MYO16: variants seen among roughly 807,000 people sequenced by gnomAD.
MYO16 encodes myosin XVI, also known as unconventional myosin-XVI.
Under a neutral mutation model 205.3 loss-of-function variants are expected in MYO16, and 94 were observed. The observed-to-expected ratio is 0.46, with a 90% CI of 0.39 to 0.54. The LOEUF is 0.54. Among genes scored for constraint, MYO16 ranks in the 20% least tolerant of loss-of-function variants. MYO16 has a pLI of 0.00. For synonymous variants in MYO16, 988 were observed against 954.0 expected (o/e 1.04, Z -0.66); for missense variants, 2,315 against 2,387.5 (o/e 0.97, Z 0.63).
chr13:108,748,764 G>A (rs1885139834), intron 4 of MYO16, among the ~76,000 whole-genome samples: 1 of 152,122 alleles, frequency 6.6e-6, no homozygotes, highest in Admixed American at 6.6e-5. Context: ...GAAACAATTA[G>A]TGTTGTCTAT....
At chr13:109,120,073 T>TTC (rs1251958390) in intron 28 of MYO16, among the ~76,000 whole-genome samples, 2 of 152,226 alleles carry the variant, frequency 1.3e-5, no homozygotes, top group African/African-American at 4.8e-5. Context: ...TGCTCTTATC[T>TTC]TCTGACTGAT....
At chr13:108,785,212 G>A (rs1054656986) in intron 4 of MYO16, among the ~76,000 whole-genome samples, 31 of 152,132 alleles carry the variant, frequency 2.0e-4, no homozygotes, top group Non-Finnish European at 2.9e-5. Context: ...GATTTGATAG[G>A]ACAGATTGGG....
intron 7 of MYO16, among the ~76,000 whole-genome samples, chr13:108,816,378 G>A (rs554200910): frequency 4.6e-5 from 7 of 150,858 alleles, no homozygotes; most frequent in South Asian, 4.2e-4. Context: ...TAAGTTTACC[G>A]TTTAAGTTTA....
chr13:108,780,350 C>T (rs527273598), intron 4 of MYO16, among the ~76,000 whole-genome samples: 5 of 85,126 alleles, frequency 5.9e-5, no homozygotes, highest in South Asian at 5.8e-4. Flanking sequence ...AAATTACTGA[C>T]GTCTGATTTA....
intron 2 of MYO16, among the ~76,000 whole-genome samples, chr13:108,667,735 A>G (rs950101727): frequency 2.0e-5 from 3 of 152,220 alleles, no homozygotes; most frequent in African/African-American, 7.2e-5. Flanking sequence ...ATTTTGATTT[A>G]AAAGTAACAA....
chr13:108,974,420 C>T (rs998227180), intron 20 of MYO16, among the ~76,000 whole-genome samples: 1 of 152,032 alleles, frequency 6.6e-6, no homozygotes, highest in Non-Finnish European at 1.5e-5. Context: ...CACATAAATA[C>T]AGTTTTCCAT....
chr13:108,691,169 G>GT (rs1229219627), intron 2 of MYO16, among the ~76,000 whole-genome samples: 1 of 151,868 alleles, frequency 6.6e-6, no homozygotes, highest in Non-Finnish European at 1.5e-5. Context: ...CCAAAGGTCT[G>GT]TTTTTTTATT....
rs145442123 is a variant in MYO16 at position 108,928,273 on chromosome 13, C to T, written c.1925+18123C>T. Among the ~76,000 whole-genome samples the T allele has an allele frequency of 7.2e-3, 1,089 of 152,260 alleles. 8 individuals are homozygous for T. Among genetic ancestry groups the T allele is most frequent in the Non-Finnish European group, 0.012 (786 of 68,020 alleles). On this transcript the variant is annotated intron_variant, in intron 16 of 34. Coordinates refer to ENST00000457511, the MANE Select transcript of MYO16 (RefSeq NM_001198950.3). ...CAGAAAGGCCAATGCAAGTGCCAGA[C>T]GCCCCATCACGTGTCCGGTAAATGC...
chr13:108,846,025 C>A (rs1877503493), intron 10 of MYO16, among the ~76,000 whole-genome samples: 2 of 152,088 alleles, frequency 1.3e-5, no homozygotes, highest in Non-Finnish European at 2.9e-5. Context: ...TCTTAACTTT[C>A]TTAAGGATCC....
chr13:108,703,458 G>T (rs978674044), intron 2 of MYO16, among the ~76,000 whole-genome samples: 1 of 152,142 alleles, frequency 6.6e-6, no homozygotes, highest in Non-Finnish European at 1.5e-5. Context: ...GAAAAATAGA[G>T]CATTCATAGA....
chr13:108,814,249 TG>T (rs1395152565), intron 7 of MYO16, among the ~76,000 whole-genome samples: 1 of 152,182 alleles, frequency 6.6e-6, no homozygotes, highest in Non-Finnish European at 1.5e-5. Flanking sequence ...CTAACCTTTT[TG>T]CAAAGATATA....
At chr13:109,149,811 C>T (rs544213698) in intron 32 of MYO16, among the ~76,000 whole-genome samples, 2 of 152,302 alleles carry the variant, frequency 1.3e-5, no homozygotes, top group Admixed American at 6.5e-5. Context: ...GCACAGCACA[C>T]GTGATAGACT....
chr13:108,714,351 G>A (rs1046326649), intron 3 of MYO16, among the ~76,000 whole-genome samples: 2 of 152,142 alleles, frequency 1.3e-5, no homozygotes, highest in Non-Finnish European at 2.9e-5. Flanking sequence ...CACCGTGCCC[G>A]CCCATAAGCC....
intron 27 of MYO16, among the ~76,000 whole-genome samples, chr13:109,065,383 C>T (rs1280447321): frequency 2.0e-5 from 3 of 152,066 alleles, no homozygotes; most frequent in African/African-American, 7.2e-5. Context: ...AAAAACCCTT[C>T]CACAGCCATG....
intron 4 of MYO16, among the ~76,000 whole-genome samples, chr13:108,733,585 A>G (rs937036835): frequency 4.0e-5 from 6 of 151,432 alleles, no homozygotes; most frequent in African/African-American, 1.5e-4. Context: ...CATGATTTTC[A>G]CTGTAATATT....
chr13:109,141,835 T>C lies in MYO16; in HGVS notation c.5164+459T>C, dbSNP rs191759166. 6.6e-6 allele frequency among the ~76,000 whole-genome samples: 1 copy of C among 152,314 alleles called. No individual in the cohort carries two copies. The highest frequency in any genetic ancestry group is 2.4e-5 in the African/African-American group (1 of 41,562). On this transcript the variant is annotated intron_variant, in intron 32 of 34. Coordinates refer to ENST00000457511, the MANE Select transcript of MYO16 (RefSeq NM_001198950.3). The surrounding 1 kb of genome is among the most constrained non-coding windows in gnomAD (Gnocchi z 4.1). ...ATCCATCTAGCTTTGCCTGGCGGTGTCTGGGATGTTGACCTAGCCAGTTAC... is the reference window on the plus strand; with the variant it reads ...ATCCATCTAGCTTTGCCTGGCGGTGCCTGGGATGTTGACCTAGCCAGTTAC...
At chr13:108,655,319 T>C (rs1308944028) in intron 1 of MYO16, among the ~76,000 whole-genome samples, 1 of 152,148 alleles carries the variant, frequency 6.6e-6, no homozygotes, top group Non-Finnish European at 1.5e-5. Context: ...GGGCCCATGG[T>C]GTCAGGGAGT....
chr13:108,751,499 A>G (rs1057269517), intron 4 of MYO16, among the ~76,000 whole-genome samples: 24 of 152,342 alleles, frequency 1.6e-4, no homozygotes, highest in African/African-American at 4.8e-4. Context: ...GAAGATTTCC[A>G]AATAAGTATG....
chr13:108,602,814 G>A (rs1878813997), intron 1 of MYO16, among the ~76,000 whole-genome samples: 1 of 152,120 alleles, frequency 6.6e-6, no homozygotes, highest in Admixed American at 6.6e-5. Flanking sequence ...TACTCCTGCA[G>A]CTTTCTCTTA....
Sources: gnomAD v4.1 joint callset for allele counts (sites outside exome capture counted in the v4.1 genomes callset) on GRCh38, gnomAD v4.1.1 for gene constraint, Gnocchi (gnomAD v3.1) non-coding constraint, MANE v1.5 for transcripts, NCBI Gene and HGNC (gene_info 2026-07-23, HGNC 2026-07-21) for gene names.